Variants in BIRC6 observed in about 807,000 individuals in gnomAD.
The protein encoded by BIRC6 is baculoviral IAP repeat containing 6.
BIRC6 carries 98 observed loss-of-function variants against 503.3 expected under a neutral mutation model. That is an observed-to-expected ratio of 0.19 (90% CI 0.17 to 0.23). The LOEUF (loss-of-function observed/expected upper bound fraction) is 0.23, where lower values mean the gene tolerates loss of function less well. BIRC6 is among the 10% of genes least tolerant of loss of function. The pLI is 1.00. For synonymous variants in BIRC6, 2,240 were observed against 2,078.7 expected, an observed-to-expected ratio of 1.08 and a Z score of -2.11; for missense variants, 5,360 against 5,806.0, an observed-to-expected ratio of 0.92 and a Z score of 2.50.
At position 32,415,583 on chromosome 2, in the gene BIRC6, G is replaced by A; in HGVS notation, c.2292G>A (p.Glu764=). The change falls in exon 10 of 74, where the codon GAG becomes GAA. Residue 764 remains glutamate (E), a synonymous_variant. Transcript: ENST00000421745. ...CCTTGAGTGCAATAAATCAAGTAGA[G>A]GCCTTGAATAATTTAAATAAATTAA... ...VESLSAINQV[E]ALNNLNKLNS... 1.2e-6 allele frequency: 2 copies of A among 1,613,810 alleles called. No homozygotes were observed. Among genetic ancestry groups the A allele is most frequent in the Non-Finnish European group, 1.7e-6 (2 of 1,179,784 alleles).
chr2:32,471,036 C>A lies in BIRC6; in HGVS notation c.6504C>A (p.Ile2168=). 1.3e-6 allele frequency: 2 copies of A among 1,576,738 alleles called. No homozygotes were observed. Among genetic ancestry groups the A allele is most frequent in the South Asian group, 2.3e-5 (2 of 85,910 alleles). The change falls in exon 32 of 74, where the codon ATC becomes ATA. Residue 2168 remains isoleucine, a synonymous_variant. Coordinates refer to ENST00000421745, the MANE Select transcript of BIRC6 (RefSeq NM_016252.4). ...CAGGAGTACTAGATATTCCCATGATCAGTTGGGTTGTTATGCTGGTGTCCA... is the reference window on the plus strand; with the variant it reads ...CAGGAGTACTAGATATTCCCATGATAAGTTGGGTTGTTATGCTGGTGTCCA... ...RTEGVLDIPM[I]SWVVMLVSRL...
intron 69 of BIRC6, among the ~76,000 whole-genome samples, chr2:32,598,522 T>C (rs569878820): frequency 6.6e-6 from 1 of 152,296 alleles, no homozygotes; most frequent in Admixed American, 6.5e-5. Flanking sequence ...TACAATAATA[T>C]ATAATCTCTA....
At chr2:32,440,716 C>T (rs997578399) in intron 16 of BIRC6, among the ~76,000 whole-genome samples, 1 of 147,734 alleles carries the variant, frequency 6.8e-6, no homozygotes, top group African/African-American at 2.5e-5. Flanking sequence ...CCTGACATAT[C>T]TCACGTAGTT....
chr2:32,490,064 G>A lies in BIRC6; in HGVS notation c.8119G>A (p.Val2707Met). 1.2e-6 allele frequency: 2 copies of A among 1,612,746 alleles called. No homozygotes were observed. Among genetic ancestry groups the A allele is most frequent in the Non-Finnish European group, 1.7e-6 (2 of 1,178,828 alleles). ...NQASITSFLTVLAWYPNTLLR... is the reference protein window; with the variant it reads ...NQASITSFLTMLAWYPNTLLR... ...AGCATCAATAACTAGCTTTCTCACAGTGTTAGCTTGGTATCCCAATACTTT... is the reference window on the plus strand; with the variant it reads ...AGCATCAATAACTAGCTTTCTCACAATGTTAGCTTGGTATCCCAATACTTT... The change falls in exon 43 of 74, where the codon GTG becomes ATG. Residue 2707 changes from valine (V) to methionine (M), a missense_variant. This residue lies in a region of BIRC6 where 2,299 missense variants were observed against 2,267.2 expected (regional missense o/e 1.01). Coordinates refer to ENST00000421745, the MANE Select transcript of BIRC6 (RefSeq NM_016252.4).
chr2:32,454,566 A>G (rs1467973501), intron 23 of BIRC6, among the ~76,000 whole-genome samples: 1 of 151,990 alleles, frequency 6.6e-6, no homozygotes, highest in Non-Finnish European at 1.5e-5. Context: ...CTTTCAGTTA[A>G]GATTGGTTTA....
chr2:32,398,347 G>T (rs2040204271), intron 6 of BIRC6, among the ~76,000 whole-genome samples: 1 of 152,148 alleles, frequency 6.6e-6, no homozygotes, highest in African/African-American at 2.4e-5. Flanking sequence ...ATAATAGACT[G>T]TGGTCCAACA....
chr2:32,362,290 T>A (rs1573626924), intron 1 of BIRC6, among the ~76,000 whole-genome samples: 1 of 152,036 alleles, frequency 6.6e-6, no homozygotes, highest in African/African-American at 2.4e-5. Context: ...CTTATTTGTC[T>A]CTTTTTATAT....
chr2:32,542,302 A>G (rs1175866718), intron 61 of BIRC6, among the ~76,000 whole-genome samples: 1 of 152,116 alleles, frequency 6.6e-6, no homozygotes, highest in Non-Finnish European at 1.5e-5. Context: ...GAGGAAGAGT[A>G]GGTAGAACAT....
At chr2:32,508,825 C>T (rs1185216966) in intron 51 of BIRC6, among the ~76,000 whole-genome samples, 2 of 152,186 alleles carry the variant, frequency 1.3e-5, no homozygotes, top group Admixed American at 1.3e-4. Context: ...TGGCTCACAC[C>T]TGTAATCCCA....
At position 32,442,163 on chromosome 2, in the gene BIRC6, C is replaced by T. The variant is rs1179661462; in HGVS notation, c.4043C>T (p.Ala1348Val). Residue 1348 changes from alanine to valine, a missense_variant, in exon 18 of 74, where the codon GCC (alanine) becomes GTC (valine). Around this residue, in one of 16 missense-constraint regions of BIRC6, gnomAD observed 2,299 missense variants for 2,267.2 expected, o/e 1.01. Coordinates refer to ENST00000421745, the MANE Select transcript of BIRC6 (RefSeq NM_016252.4). ...GATGATGGCCAGATCACAGAACATGCCCAGAGCCTTGTGTTGGATACTCTC... is the reference window on the plus strand; with the variant it reads ...GATGATGGCCAGATCACAGAACATGTCCAGAGCCTTGTGTTGGATACTCTC... ...KTDDGQITEH[A>V]QSLVLDTLCW... The T allele has an allele frequency of 1.2e-6, 2 of 1,611,212 alleles. No homozygotes were observed. Among genetic ancestry groups the T allele is most frequent in the Non-Finnish European group, 1.7e-6 (2 of 1,179,080 alleles).
intron 26 of BIRC6, 21 bp downstream of exon 26, chr2:32,465,185 AT>A (rs374940577): frequency 0.14 from 119,572 of 831,712 alleles, 3 homozygotes; most frequent in Middle Eastern, 0.2. Flanking sequence ...ACTTTCTTAA[AT>A]TTTTTTTTTT....
At chr2:32,358,034 G>T (rs1204034911) in intron 1 of BIRC6, among the ~76,000 whole-genome samples, 3 of 92,346 alleles carry the variant, frequency 3.2e-5, no homozygotes, top group African/African-American at 1.3e-4. Context: ...CGTGGGGGTG[G>T]GGGTGGGGTG....
chr2:32,501,744 A>C lies in BIRC6; in HGVS notation c.9063A>C (p.Glu3021Asp). ...GASGLHLTKH[E>D]NFHGGLDAIS... ...GTGGATTACATCTCACTAAACATGA[A>C]AACTTTCATGGTGGGTTGGATGCCA... Residue 3021 changes from glutamate (E) to aspartate (D), a missense_variant, in exon 47 of 74, where the codon GAA (glutamate) becomes GAC (aspartate). This residue lies in a region of BIRC6 where 267 missense variants were observed against 287.6 expected (regional missense o/e 0.93). Transcript: ENST00000421745. The C allele has an allele frequency of 6.2e-7, 1 of 1,612,338 alleles. No homozygotes were observed. The highest frequency in any genetic ancestry group is 8.5e-7 in the Non-Finnish European group (1 of 1,179,506).
At chr2:32,383,368 C>T (rs2037972300) in intron 3 of BIRC6, among the ~76,000 whole-genome samples, 1 of 152,064 alleles carries the variant, frequency 6.6e-6, no homozygotes, top group Non-Finnish European at 1.5e-5. Context: ...ATATATTGGT[C>T]AAGAGGATGT....
chr2:32,493,049 T>C (rs1336343070), intron 44 of BIRC6, among the ~76,000 whole-genome samples: 2 of 151,188 alleles, frequency 1.3e-5, no homozygotes, highest in African/African-American at 4.9e-5. Context: ...TTGGTATAAA[T>C]TTATTTTTAT....
In BIRC6 at chr2:32,475,914, T is replaced by A. The variant is rs190203247; in HGVS notation, c.6721-299T>A. 8.5e-3 allele frequency among the ~76,000 whole-genome samples: 1,290 copies of A among 152,124 alleles called. 9 individuals carry two copies. The highest frequency in any genetic ancestry group is 0.014 in the Middle Eastern group (4 of 294). On this transcript the variant is annotated intron_variant, in intron 33 of 73. Coordinates refer to ENST00000421745, the MANE Select transcript of BIRC6 (RefSeq NM_016252.4). ...TCTCATTTATTTAATTAAAAGTAAATTTTTTTCTCTCTATTAAAAAATATA... is the reference window on the plus strand; with the variant it reads ...TCTCATTTATTTAATTAAAAGTAAAATTTTTTCTCTCTATTAAAAAATATA...
chr2:32,528,548 T>G (rs1308430678), intron 59 of BIRC6: 1 of 152,268 alleles, frequency 6.6e-6, no homozygotes, highest in African/African-American at 2.4e-5. Context: ...GTTTAATAGC[T>G]GAAACAGGTA....
chr2:32,606,299 A>G (rs1195759037), intron 71 of BIRC6, among the ~76,000 whole-genome samples: 2 of 152,110 alleles, frequency 1.3e-5, no homozygotes, highest in African/African-American at 4.8e-5. Flanking sequence ...TGTCAATCAG[A>G]ATTTCTGGCC....
chr2:32,453,117 C>A (rs997271659), intron 22 of BIRC6, among the ~76,000 whole-genome samples: 1 of 151,310 alleles, frequency 6.6e-6, no homozygotes, highest in Admixed American at 6.6e-5. Context: ...TCCTTGCCTT[C>A]CCAAGCTGCA....
Sources: gnomAD v4.1 joint callset for allele counts (sites outside exome capture counted in the v4.1 genomes callset) on GRCh38, gnomAD v4.1.1 for gene constraint, gnomAD v4.1.1 regional missense constraint, MANE v1.5 for transcripts, NCBI Gene and HGNC (gene_info 2026-07-23, HGNC 2026-07-21) for gene names.